The following VPS54 variants were observed in gnomAD, a reference collection of about 807,000 sequenced individuals.
VPS54 encodes the protein vacuolar protein sorting-associated protein 54.
Under a neutral mutation model 121.5 loss-of-function variants are expected in VPS54, and 45 were observed. That is an observed-to-expected ratio of 0.37 (90% CI 0.29 to 0.47). VPS54 has a LOEUF of 0.47. VPS54 is among the 20% of genes least tolerant of loss of function. The pLI, the probability that VPS54 is intolerant of heterozygous loss-of-function variation, is 0.99. For synonymous variants in VPS54, 371 were observed against 385.8 expected, an observed-to-expected ratio of 0.96 and a Z score of 0.45; for missense variants, 1,090 against 1,131.4, an observed-to-expected ratio of 0.96 and a Z score of 0.52.
intron 1 of VPS54, 26 bp from the exon 2 acceptor site, chr2:63,984,045 T>C (rs1332168065): frequency 1.3e-6 from 2 of 1,539,496 alleles, no homozygotes; most frequent in South Asian, 2.5e-5. Flanking sequence ...AAATACTAAT[T>C]AAGACACCGC....
At chr2:63,992,652 C>G (rs1035216621) in intron 1 of VPS54, among the ~76,000 whole-genome samples, 20 of 152,176 alleles carry the variant, frequency 1.3e-4, no homozygotes, top group African/African-American at 1.7e-4. Flanking sequence ...CCTTCTTTCC[C>G]GCTGGAATTC....
At chr2:63,904,636 T>A (rs1199856016) in intron 20 of VPS54, among the ~76,000 whole-genome samples, 1 of 152,062 alleles carries the variant, frequency 6.6e-6, no homozygotes, top group African/African-American at 2.4e-5. Context: ...GTAATTGATA[T>A]AAGAAGTAGA....
chr2:63,969,287 C>A (rs1369909556), intron 4 of VPS54, among the ~76,000 whole-genome samples: 1 of 152,086 alleles, frequency 6.6e-6, no homozygotes, highest in African/African-American at 2.4e-5. Flanking sequence ...TGGTCCCCAA[C>A]CCCTGGGCCA....
chr2:64,016,106 C>T (rs952703918), intron 1 of VPS54, among the ~76,000 whole-genome samples: 1 of 152,134 alleles, frequency 6.6e-6, no homozygotes, highest in Non-Finnish European at 1.5e-5. Context: ...CAACTAATAG[C>T]GAGGTAAGCA....
intron 11 of VPS54, among the ~76,000 whole-genome samples, chr2:63,940,599 T>C (rs1372361450): frequency 1.3e-5 from 2 of 152,026 alleles, no homozygotes; most frequent in Admixed American, 6.6e-5. Context: ...TTCAGTGTTA[T>C]TGAAAAAAAC....
intron 12 of VPS54, among the ~76,000 whole-genome samples, chr2:63,929,202 C>T (rs1368307264): frequency 1.3e-5 from 2 of 152,212 alleles, no homozygotes; most frequent in East Asian, 3.8e-4. Flanking sequence ...CCCAAATCAA[C>T]AGAATATACA....
intron 20 of VPS54, among the ~76,000 whole-genome samples, chr2:63,903,367 T>C (rs900854836): frequency 6.6e-6 from 1 of 152,236 alleles, no homozygotes; most frequent in African/African-American, 2.4e-5. Context: ...AGATGATTCA[T>C]TGCTGGCAGA....
rs1673225960 is a variant in VPS54 at position 63,913,120 on chromosome 2, CT to C, written c.2422+102del. 2.3e-5 allele frequency: 21 copies of C among 909,818 alleles called. No homozygotes were observed. The South Asian group carries it at 2.5e-4, about 11-fold the overall frequency. The allele number at this position is 909,818 out of a possible 1,614,324, so 56.4% of individuals were successfully genotyped here. Reference sequence around the variant, plus strand: ...AGCATTTATTTTTAGAGTAATGCCACTTTGGTTAGAGCCATGAAAACATGAG... The same window carrying C: ...AGCATTTATTTTTAGAGTAATGCCACTTGGTTAGAGCCATGAAAACATGAG... On this transcript the variant is annotated intron_variant, in intron 18 of 22. Coordinates refer to ENST00000272322, the MANE Select transcript of VPS54 (RefSeq NM_016516.3).
At chr2:64,003,415 T>C (rs1239419279) in intron 1 of VPS54, among the ~76,000 whole-genome samples, 2 of 152,234 alleles carry the variant, frequency 1.3e-5, no homozygotes, top group Non-Finnish European at 2.9e-5. Context: ...CTTTGGTTTC[T>C]CACACTTAGT....
At chr2:63,946,139 C>T (rs1273321258) in intron 9 of VPS54, among the ~76,000 whole-genome samples, 3 of 152,094 alleles carry the variant, frequency 2.0e-5, no homozygotes, top group African/African-American at 7.2e-5. Context: ...TGGAATCATA[C>T]AATGTATACT....
At chr2:63,961,559 A>C (rs571906740) in intron 7 of VPS54, among the ~76,000 whole-genome samples, 15 of 152,158 alleles carry the variant, frequency 9.9e-5, no homozygotes, top group Non-Finnish European at 1.9e-4. Flanking sequence ...AATATTTAAA[A>C]CCTAAGGTAT....
chr2:63,976,821 TTCTC>T (rs200213785), intron 3 of VPS54, among the ~76,000 whole-genome samples: 5 of 120,480 alleles, frequency 4.2e-5, no homozygotes, highest in East Asian at 2.1e-4. Flanking sequence ...AGCTTATATC[TTCTC>T]TTTTTTTTTT....
intron 12 of VPS54, among the ~76,000 whole-genome samples, chr2:63,927,510 CCAA>C (rs2104468168): frequency 6.6e-6 from 1 of 152,216 alleles, no homozygotes; most frequent in East Asian, 1.9e-4. Context: ...CGACAGGTCA[CCAA>C]CATCAAAGAC....
At chr2:63,991,795 G>A (rs1409639007) in intron 1 of VPS54, among the ~76,000 whole-genome samples, 1 of 152,178 alleles carries the variant, frequency 6.6e-6, no homozygotes, top group African/African-American at 2.4e-5. Context: ...TTCCACTTCA[G>A]GCAGTCCCAA....
chr2:63,960,235 T>A (rs1455501430), intron 7 of VPS54, among the ~76,000 whole-genome samples: 1 of 152,046 alleles, frequency 6.6e-6, no homozygotes, highest in Non-Finnish European at 1.5e-5. Flanking sequence ...AAAAACCCTG[T>A]CTCGAAATAA....
intron 1 of VPS54, among the ~76,000 whole-genome samples, chr2:63,987,711 C>T (rs1677120305): frequency 6.6e-6 from 1 of 152,140 alleles, no homozygotes; most frequent in East Asian, 1.9e-4. Flanking sequence ...CTTGAACCAA[C>T]ATTTTATAGC....
intron 7 of VPS54, among the ~76,000 whole-genome samples, chr2:63,961,198 G>T (rs1675753004): frequency 6.6e-6 from 1 of 152,098 alleles, no homozygotes; most frequent in Non-Finnish European, 1.5e-5. Context: ...ACATGTAATA[G>T]GTGCTCAACA....
At chr2:63,984,881 T>C (rs1243205642) in intron 1 of VPS54, among the ~76,000 whole-genome samples, 1 of 152,192 alleles carries the variant, frequency 6.6e-6, no homozygotes, top group African/African-American at 2.4e-5. Context: ...CTGAAATGTT[T>C]AGAGATCACC....
At chr2:63,931,923 C>T (rs2104480552) in intron 12 of VPS54, among the ~76,000 whole-genome samples, 1 of 152,314 alleles carries the variant, frequency 6.6e-6, no homozygotes, top group African/African-American at 2.4e-5. Flanking sequence ...CATCACTGGT[C>T]ATTAGAGAAA....
Sources: allele counts gnomAD v4.1 joint callset (sites outside exome capture counted in the v4.1 genomes callset), GRCh38; gene constraint gnomAD v4.1.1; transcripts MANE v1.5; gene names NCBI Gene and HGNC (gene_info 2026-07-23, HGNC 2026-07-21).